TFR2: variants seen among roughly 807,000 people sequenced by gnomAD.
TFR2 encodes the protein transferrin receptor protein 2.
TFR2 carries 64 observed loss-of-function variants against 91.9 expected under a neutral mutation model. The observed-to-expected ratio is 0.70, with a 90% confidence interval of 0.57 to 0.86. The LOEUF (loss-of-function observed/expected upper bound fraction) is 0.86, where lower values mean the gene tolerates loss of function less well. Ranked by LOEUF, TFR2 falls within the 40% of genes least tolerant of loss-of-function variation. TFR2 has a pLI of 0.00. For synonymous variants in TFR2, 454 were observed against 459.6 expected, an observed-to-expected ratio of 0.99 and a Z score of 0.15; for missense variants, 950 against 1,080.5, an observed-to-expected ratio of 0.88 and a Z score of 1.69.
chr7:100,626,852 G>T lies in TFR2; in HGVS notation c.2047C>A (p.Arg683=). ...TCCTGCCGCAGCTTTTCCGCCGCCC[G>T]GATGTAGTCCCCCCGCGCCGAGTAC... ...WVYSARGDYI[R]AAEKLRQEIY... is the part of the protein sequence containing the mutation. Residue 683 remains arginine (R), a synonymous_variant, in exon 17 of 18, where the codon CGG becomes AGG. Transcript: ENST00000223051. The T allele has an allele frequency of 6.5e-7, 1 of 1,549,090 alleles. No homozygotes were observed.
At chr7:100,632,857 C>T in intron 6 of TFR2, 144 bp downstream of exon 6, 1 of 1,420,584 alleles carries the variant, frequency 7.0e-7, no homozygotes, top group Non-Finnish European at 9.8e-7. Flanking sequence ...AGGTGAGAAC[C>T]ATCGTGCCCA....
intron 6 of TFR2, chr7:100,632,739 T>A (rs1250588367): frequency 3.4e-5 from 1 of 29,394 alleles, no homozygotes; most frequent in Admixed American, 2.4e-4. Flanking sequence ...AAAAAGAACC[T>A]TTTTTTTTTT....
intron 3 of TFR2, among the ~76,000 whole-genome samples, chr7:100,637,954 C>T (rs1489989249): frequency 6.6e-6 from 1 of 151,904 alleles, no homozygotes; most frequent in African/African-American, 2.4e-5. Flanking sequence ...GCTTCAGCCT[C>T]CCGAGTAGCT....
At position 100,620,753 on chromosome 7, in the gene TFR2, C is replaced by T. The variant is rs1349253203; in HGVS notation, c.*104G>A. 4 of 1,505,118 alleles carry T rather than the reference C, an allele frequency of 2.7e-6. No individual in the cohort carries two copies. In the African/African-American group the frequency reaches 5.5e-5, roughly 21 times the overall value. 93.2% of individuals were successfully genotyped at this position (1,505,118 alleles called of 1,614,324 possible). On this transcript the variant is annotated 3_prime_UTR_variant, in exon 18 of 18. Transcript: ENST00000223051. The stretch of plus-strand genomic sequence containing the variant: ...GTAGGGGTAATGAGAAATTGATCAG[C>T]AATGAGAGGTGGACTCTGAGCCACC...
Position 100,621,080 on chromosome 7 carries a change from G to A in TFR2, c.2183C>T (p.Pro728Leu), listed in dbSNP as rs772659158. ...LSQYVSPADSPFRHIFMGRGD... is the reference protein window; with the variant it reads ...LSQYVSPADSLFRHIFMGRGD... ...ACGGCCCATGAAGATGTGGCGGAAC[G>A]GGGAGTCGGCTGGCGACACGTACTG... The change falls in exon 18 of 18, where the codon CCG becomes CTG. Residue 728 changes from proline (P) to leucine (L), a missense_variant. Transcript: ENST00000223051. 31 of 1,547,194 alleles carry A rather than the reference G, an allele frequency of 2.0e-5. No homozygotes were observed. Among genetic ancestry groups the A allele is most frequent in the African/African-American group, 2.7e-5 (2 of 73,168 alleles).
chr7:100,628,103 C>T lies in TFR2; in HGVS notation c.1507G>A (p.Val503Met). The change falls in exon 12 of 18, where the codon GTG (valine) becomes ATG (methionine). Residue 503 changes from valine to methionine, a missense_variant. Val to Met is a conservative substitution (Grantham distance 21). Transcript: ENST00000223051. ...YLSVLHLKAV[V>M]YVSLDNAVLG... ...ACTGCGTTGTCCAGGCTCACGTACA[C>T]TACGGCTTTGAGGTGCAGCACGCTG... 4 of 1,614,146 alleles carry T rather than the reference C, an allele frequency of 2.5e-6. No homozygotes were observed. Among genetic ancestry groups the T allele is most frequent in the Non-Finnish European group, 3.4e-6 (4 of 1,180,016 alleles).
chr7:100,627,004 A>G, intron 16 of TFR2, 101 bp from the exon 17 acceptor site: 1 of 1,378,006 alleles, frequency 7.3e-7, no homozygotes, highest in Non-Finnish European at 9.3e-7. Flanking sequence ...GGGGGCTGGG[A>G]CCCCTGGCCG....
At chr7:100,629,565 A>T (rs7457868) in intron 9 of TFR2, among the ~76,000 whole-genome samples, 193 bp from the exon 10 acceptor site, 1 of 152,106 alleles carries the variant, frequency 6.6e-6, no homozygotes, top group African/African-American at 2.4e-5. Flanking sequence ...TGGGTGCCTG[A>T]GGTCATTCTG....
chr7:100,635,733 G>A lies in TFR2; in HGVS notation c.474-2177C>T, dbSNP rs1803561545. Reference sequence around the variant, plus strand: ...CCTGCCTTGGCCTCCCAAAGTGCTGGGATTACAGGTGTGAGCCACCGTGCC... The same window carrying A: ...CCTGCCTTGGCCTCCCAAAGTGCTGAGATTACAGGTGTGAGCCACCGTGCC... On this transcript the variant is annotated intron_variant, in intron 3 of 17. Coordinates refer to ENST00000223051, the MANE Select transcript of TFR2 (RefSeq NM_003227.4). Among the ~76,000 whole-genome samples, 4 of 151,972 alleles carry A rather than the reference G, an allele frequency of 2.6e-5. No homozygotes were observed. The South Asian group carries it at 8.3e-4, about 32-fold the overall frequency.
chr7:100,626,472 C>T (rs1415695127), intron 17 of TFR2: 21 of 389,558 alleles, frequency 5.4e-5, no homozygotes, highest in South Asian at 5.1e-4. Flanking sequence ...GGGGAGTCAG[C>T]GGGGAGGGGT....
At chr7:100,629,914 T>G (rs1283837907) in intron 9 of TFR2, among the ~76,000 whole-genome samples, 1 of 151,906 alleles carries the variant, frequency 6.6e-6, no homozygotes, top group Non-Finnish European at 1.5e-5. Context: ...CCCAGCTAAT[T>G]TTTTTGTATT....
At chr7:100,628,344 G>A in intron 10 of TFR2, 38 bp from the exon 11 acceptor site, 2 of 1,594,380 alleles carry the variant, frequency 1.3e-6, no homozygotes, top group South Asian at 2.2e-5. Flanking sequence ...CTTAGCAGGG[G>A]CCAAGCAAAG....
intron 7 of TFR2, 53 bp downstream of exon 7, chr7:100,632,026 CAAG>C: frequency 6.2e-7 from 1 of 1,614,040 alleles, no homozygotes; most frequent in Non-Finnish European, 8.5e-7. Context: ...CTATTCTGAG[CAAG>C]AAGGTGTGGC....
chr7:100,621,004 G>A lies in TFR2; in HGVS notation c.2259C>T (p.Ser753=), dbSNP rs1030428409. The change falls in exon 18 of 18, where the codon TCC becomes TCT. Residue 753 remains serine (S), a synonymous_variant. Transcript: ENST00000223051. ...TGGCCCCGGGGGTCCCGGAGCTGTTGGAGCGCAGCAGCCGCAGGTGGTCCA... is the reference window on the plus strand; with the variant it reads ...TGGCCCCGGGGGTCCCGGAGCTGTTAGAGCGCAGCAGCCGCAGGTGGTCCA... The part of the protein sequence containing the change: ...ALLDHLRLLR[S]NSSGTPGATS... 3.1e-6 allele frequency: 5 copies of A among 1,607,374 alleles called. No homozygotes were observed. Among genetic ancestry groups the A allele is most frequent in the Middle Eastern group, 3.5e-4 (2 of 5,642 alleles).
chr7:100,632,323 A>AC (rs1166284898), intron 6 of TFR2, 125 bp from the exon 7 acceptor site: 4 of 906,118 alleles, frequency 4.4e-6, no homozygotes, highest in Non-Finnish European at 7.2e-6. Flanking sequence ...ATGTGGGGGC[A>AC]CTACCTGGCC....
rs557506122 is a variant in TFR2, at chr7:100,630,979, C to G, written c.1180G>C (p.Gly394Arg). Residue 394 changes from glycine (G) to arginine (R), a missense_variant, in exon 9 of 18, where the codon GGG becomes CGG. Gly to Arg is a moderately radical substitution (Grantham distance 125, BLOSUM62 -2). Transcript: ENST00000223051. ...TTGACCACTAGCCGCAGTCGTGGCC[C>G]GGGGCCCAGGTGATAAGGGGAGCCT... ...LLGSPYHLGP[G>R]PRLRLVVNNH... The G allele has an allele frequency of 3.1e-6, 5 of 1,611,404 alleles. No individual in the cohort carries two copies. Among genetic ancestry groups the G allele is most frequent in the Non-Finnish European group, 4.2e-6 (5 of 1,179,448 alleles).
chr7:100,626,670 G>T, intron 17 of TFR2, 93 bp downstream of exon 17: 1 of 1,513,334 alleles, frequency 6.6e-7, no homozygotes, highest in East Asian at 2.5e-5. Flanking sequence ...GGCGGGGAGA[G>T]AGAGGAGCGC....
In TFR2 at chr7:100,641,520, C is replaced by T. The variant is rs1337389810; in HGVS notation, c.-11G>A. 1 of 1,613,588 alleles carries T rather than the reference C, an allele frequency of 6.2e-7. No homozygotes were observed. The highest frequency in any genetic ancestry group is 8.5e-7 in the Non-Finnish European group (1 of 1,179,850). ...CCAAAGCCGCTCCATGCTTGTGTCC[C>T]CTCCTGAAGCCTGCAGGCTGTCCCC... On this transcript the variant is annotated 5_prime_UTR_variant, in exon 1 of 18. Transcript: ENST00000223051.
At chr7:100,626,555 G>T in intron 17 of TFR2, 1 of 1,410,084 alleles carries the variant, frequency 7.1e-7, no homozygotes. Flanking sequence ...GGCCCTCCCT[G>T]TCCATTTCAT....
Sources: allele counts gnomAD v4.1 joint callset (sites outside exome capture counted in the v4.1 genomes callset), GRCh38; gene constraint gnomAD v4.1.1; transcripts MANE v1.5; gene names NCBI Gene and HGNC (gene_info 2026-07-23, HGNC 2026-07-21).